The following DOCK2 variants were observed in gnomAD, a reference collection of about 807,000 sequenced individuals.
The protein encoded by DOCK2 is dedicator of cytokinesis 2, also known as dedicator of cytokinesis protein 2.
In DOCK2, 87 loss-of-function variants were observed where a neutral mutation model predicts 248.9. That is an observed-to-expected ratio of 0.35 (90% CI 0.29 to 0.42). DOCK2 has a LOEUF of 0.42. DOCK2 is among the 10% of genes least tolerant of loss of function. DOCK2 has a pLI of 1.00. For missense variants in DOCK2, 1,747 were observed against 2,300.2 expected (o/e 0.76, Z 4.92); for synonymous variants, 805 against 821.6 (o/e 0.98, Z 0.35).
chr5:169,793,980 GC>G (rs770375958), intron 25 of DOCK2, among the ~76,000 whole-genome samples: 7 of 152,074 alleles, frequency 4.6e-5, no homozygotes, highest in Admixed American at 6.5e-5. Context: ...GTCTTCACAG[GC>G]CCCTAGATTC....
At chr5:169,740,287 CTTCT>C (rs1261956776) in intron 22 of DOCK2, among the ~76,000 whole-genome samples, 1 of 147,894 alleles carries the variant, frequency 6.8e-6, no homozygotes, top group Non-Finnish European at 1.5e-5. Flanking sequence ...ATATTGTTAA[CTTCT>C]TTTTTTTTTA....
At chr5:169,940,141 T>C (rs546129585) in intron 27 of DOCK2, among the ~76,000 whole-genome samples, 1 of 152,296 alleles carries the variant, frequency 6.6e-6, no homozygotes, top group African/African-American at 2.4e-5. Flanking sequence ...AGCGCCTTCT[T>C]CCACAGTTTT....
chr5:169,659,379 G>A (rs1273194244), intron 2 of DOCK2, among the ~76,000 whole-genome samples: 1 of 152,096 alleles, frequency 6.6e-6, no homozygotes, highest in African/African-American at 2.4e-5. Context: ...CACCAGCCTG[G>A]CTCATAGAAG....
chr5:169,935,159 G>T (rs1477879463), intron 27 of DOCK2, among the ~76,000 whole-genome samples: 2 of 152,208 alleles, frequency 1.3e-5, no homozygotes, highest in African/African-American at 4.8e-5. Flanking sequence ...CTCTTAATTG[G>T]AGGGAGCAGC....
chr5:169,846,110 C>T (rs969901186), intron 27 of DOCK2, among the ~76,000 whole-genome samples: 2 of 152,238 alleles, frequency 1.3e-5, no homozygotes, highest in Non-Finnish European at 2.9e-5. Context: ...TGGTTAGTTT[C>T]CATTGCTTGG....
At chr5:169,902,812 G>A (rs902374357) in intron 27 of DOCK2, among the ~76,000 whole-genome samples, 2 of 152,170 alleles carry the variant, frequency 1.3e-5, no homozygotes, top group African/African-American at 4.8e-5. Context: ...TAAAAGAAAG[G>A]GGTGAGGCCA....
intron 30 of DOCK2, among the ~76,000 whole-genome samples, chr5:170,007,317 T>G (rs963832640): frequency 5.3e-5 from 8 of 152,214 alleles, no homozygotes; most frequent in Admixed American, 2.0e-4. Flanking sequence ...GTCTCCCACA[T>G]GCTCCTTGCA....
At chr5:169,642,364 G>A (rs1276871681) in intron 1 of DOCK2, among the ~76,000 whole-genome samples, 1 of 152,150 alleles carries the variant, frequency 6.6e-6, no homozygotes, top group Non-Finnish European at 1.5e-5. Flanking sequence ...AGATGAAAAA[G>A]AATTTCATGA....
intron 2 of DOCK2, among the ~76,000 whole-genome samples, chr5:169,667,216 A>C (rs1758786864): frequency 6.6e-6 from 1 of 152,166 alleles, no homozygotes; most frequent in African/African-American, 2.4e-5. Flanking sequence ...TGTGGGTTCA[A>C]GTCACTGCTA....
chr5:169,709,571 A>G (rs1192238350), intron 15 of DOCK2, among the ~76,000 whole-genome samples: 1 of 151,992 alleles, frequency 6.6e-6, no homozygotes. Context: ...ACATACATAA[A>G]TGAGTCGTGC....
intron 22 of DOCK2, among the ~76,000 whole-genome samples, chr5:169,732,261 T>G (rs1477680302): frequency 6.6e-6 from 1 of 152,212 alleles, no homozygotes; most frequent in Non-Finnish European, 1.5e-5. Flanking sequence ...GGAATCACTT[T>G]TCTTCCCTTG....
intron 25 of DOCK2, among the ~76,000 whole-genome samples, chr5:169,772,054 T>C (rs1405487859): frequency 1.3e-5 from 2 of 152,236 alleles, no homozygotes; most frequent in Non-Finnish European, 2.9e-5. Context: ...CATTGCTCTT[T>C]CCTACAGGCT....
At chr5:169,762,120 T>C (rs1471205955) in intron 25 of DOCK2, among the ~76,000 whole-genome samples, 2 of 152,198 alleles carry the variant, frequency 1.3e-5, no homozygotes, top group Non-Finnish European at 2.9e-5. Context: ...CGCATTTACA[T>C]GGATGAAAAT....
chr5:169,852,857 A>C (rs922948829), intron 27 of DOCK2, among the ~76,000 whole-genome samples: 1 of 152,196 alleles, frequency 6.6e-6, no homozygotes, highest in Non-Finnish European at 1.5e-5. Context: ...ACAATAAGGC[A>C]CACTGTGTCT....
intron 27 of DOCK2, among the ~76,000 whole-genome samples, chr5:169,859,825 A>G (rs1019359002): frequency 6.6e-6 from 1 of 152,074 alleles, no homozygotes; most frequent in African/African-American, 2.4e-5. Context: ...TACCTCTAGG[A>G]TATTTGATTC....
chr5:169,818,108 G>A (rs146580708), intron 26 of DOCK2, among the ~76,000 whole-genome samples: 197 of 152,174 alleles, frequency 1.3e-3, no homozygotes, highest in African/African-American at 4.5e-3. Flanking sequence ...ACACCCCAAG[G>A]CCAGCCTACG....
At chr5:170,032,167 C>T (rs1465983155) in intron 34 of DOCK2, among the ~76,000 whole-genome samples, 1 of 152,092 alleles carries the variant, frequency 6.6e-6, no homozygotes, top group East Asian at 1.9e-4. Context: ...GCTGGGACTA[C>T]AGGCGCCCAC....
At position 169,759,793 on chromosome 5, in the gene DOCK2, A is replaced by G. The variant is rs995679208; in HGVS notation, c.2447+18A>G. 9 of 1,613,662 alleles carry G rather than the reference A, an allele frequency of 5.6e-6. No individual in the cohort carries two copies. Among genetic ancestry groups the G allele is most frequent in the Non-Finnish European group, 7.6e-6 (9 of 1,179,694 alleles). On this transcript the variant is annotated intron_variant, in intron 24 of 51. Transcript: ENST00000520908. ...TTACTCAGGTGAGAGCTCATGTTGT[A>G]CTTTCTTGGGCTCTGCTGGCAAGCT... is the stretch of plus-strand genomic sequence containing the variant.
chr5:169,755,198 C>T (rs1182689284), intron 23 of DOCK2, among the ~76,000 whole-genome samples: 1 of 151,908 alleles, frequency 6.6e-6, no homozygotes, highest in Non-Finnish European at 1.5e-5. Flanking sequence ...AATCCCTTGG[C>T]CTCCTGAAGT....
Sources: allele counts gnomAD v4.1 joint callset (sites outside exome capture counted in the v4.1 genomes callset), GRCh38; gene constraint gnomAD v4.1.1; transcripts MANE v1.5; gene names NCBI Gene and HGNC (gene_info 2026-07-23, HGNC 2026-07-21).